The following RBFOX1 variants were observed in gnomAD, a reference collection of about 807,000 sequenced individuals.
The protein encoded by RBFOX1 is RNA binding fox-1 homolog 1, also known as RNA binding protein fox-1 homolog 1.
RBFOX1 carries 8 observed loss-of-function variants against 57.7 expected under a neutral mutation model. That is an observed-to-expected ratio of 0.14 (90% CI 0.08 to 0.25). RBFOX1 has a LOEUF of 0.25. Ranked by LOEUF, RBFOX1 falls within the 10% of genes least tolerant of loss-of-function variation. The pLI, the probability that RBFOX1 is intolerant of heterozygous loss-of-function variation, is 1.00. For missense variants in RBFOX1, 611 were observed against 548.5 expected, an observed-to-expected ratio of 1.11 and a Z score of -1.14; for synonymous variants, 326 against 222.4, an observed-to-expected ratio of 1.47 and a Z score of -4.15.
At chr16:7,605,951 G>A (rs2095268106) in intron 9 of RBFOX1, among the ~76,000 whole-genome samples, 1 of 151,754 alleles carries the variant, frequency 6.6e-6, no homozygotes, top group Non-Finnish European at 1.5e-5. Flanking sequence ...CGATTCTCAT[G>A]CCTCAGCCTG....
At chr16:7,171,201 G>C (rs1334028002) in intron 4 of RBFOX1, among the ~76,000 whole-genome samples, 1 of 152,168 alleles carries the variant, frequency 6.6e-6, no homozygotes, top group Non-Finnish European at 1.5e-5. Flanking sequence ...CAGGCACCCA[G>C]TACTAACTCC....
intron 5 of RBFOX1, chr16:7,519,773 G>C (rs2346945): frequency 1.1e-6 from 1 of 950,698 alleles, no homozygotes; most frequent in East Asian, 1.2e-4. Context: ...ATTTGTGAAG[G>C]AGTTTATGGC....
intron 3 of RBFOX1, among the ~76,000 whole-genome samples, chr16:5,767,063 A>G: frequency 6.6e-6 from 1 of 152,186 alleles, no homozygotes; most frequent in Non-Finnish European, 1.5e-5. Context: ...TCAGTTGTAT[A>G]AGGTTAGTCC....
At chr16:6,011,739 C>T (rs1247376955) in intron 4 of RBFOX1, among the ~76,000 whole-genome samples, 1 of 152,166 alleles carries the variant, frequency 6.6e-6, no homozygotes, top group Non-Finnish European at 1.5e-5. Context: ...AGTGAGTGAG[C>T]AAAGCTGGTG....
intron 1 of RBFOX1, among the ~76,000 whole-genome samples, chr16:5,286,583 A>G (rs909047680): frequency 6.6e-6 from 1 of 152,214 alleles, no homozygotes; most frequent in Non-Finnish European, 1.5e-5. Flanking sequence ...CATGAGAAGA[A>G]GGGGGAATTC....
chr16:7,270,847 C>G (rs948251964), intron 4 of RBFOX1, among the ~76,000 whole-genome samples: 1 of 152,140 alleles, frequency 6.6e-6, no homozygotes, highest in Non-Finnish European at 1.5e-5. Flanking sequence ...CTCTCTAAAA[C>G]TTTTCTTTTT....
At chr16:7,442,823 G>A (rs1481031992) in intron 4 of RBFOX1, among the ~76,000 whole-genome samples, 2 of 152,138 alleles carry the variant, frequency 1.3e-5, no homozygotes, top group East Asian at 3.9e-4. Context: ...AGGGTGGCTG[G>A]GTGATTTGTT....
intron 3 of RBFOX1, among the ~76,000 whole-genome samples, chr16:6,959,079 A>C (rs966381503): frequency 1.3e-5 from 2 of 152,232 alleles, no homozygotes; most frequent in Non-Finnish European, 2.9e-5. Flanking sequence ...TCTTAAGTGC[A>C]TAAAGATAGG....
chr16:7,625,570 C>T (rs1178486587), intron 10 of RBFOX1, among the ~76,000 whole-genome samples: 2 of 152,142 alleles, frequency 1.3e-5, no homozygotes, highest in Non-Finnish European at 2.9e-5. Context: ...TCAAGAGCAT[C>T]CTCCAGATTT....
intron 5 of RBFOX1, among the ~76,000 whole-genome samples, chr16:7,575,996 T>C (rs970104897): frequency 6.6e-6 from 1 of 152,116 alleles, no homozygotes; most frequent in Non-Finnish European, 1.5e-5. Flanking sequence ...TGCAGTGGCA[T>C]GATCTTCCCT....
At chr16:6,737,957 T>C (rs1358506749) in intron 3 of RBFOX1, among the ~76,000 whole-genome samples, 1 of 151,960 alleles carries the variant, frequency 6.6e-6, no homozygotes, top group Non-Finnish European at 1.5e-5. Context: ...CCCAGCACAA[T>C]GCTTGAGCCA....
At chr16:6,609,995 G>A (rs1294778096) in intron 2 of RBFOX1, among the ~76,000 whole-genome samples, 1 of 142,048 alleles carries the variant, frequency 7.0e-6, no homozygotes, top group East Asian at 2.1e-4. Flanking sequence ...GCAGTAGTGT[G>A]AGGCTCTGAC....
Position 5,776,057 on chromosome 16 carries a change from T to G in RBFOX1, c.319-91246T>G, listed in dbSNP as rs74006280. On this transcript the variant is annotated intron_variant, in intron 3 of 19. Transcript: ENST00000641259. ...AATGAATCTTAATAAAAAATGGAAATGGCTTTCCCCTTTCATTTTAATTAA... is the reference window on the plus strand; with the variant it reads ...AATGAATCTTAATAAAAAATGGAAAGGGCTTTCCCCTTTCATTTTAATTAA... Among the ~76,000 whole-genome samples the G allele has an allele frequency of 4.5e-3, 692 of 152,276 alleles. 5 individuals carry two copies. The highest frequency in any genetic ancestry group is 0.015 in the African/African-American group (635 of 41,548).
At chr16:5,492,171 A>G (rs1050202700) in intron 2 of RBFOX1, among the ~76,000 whole-genome samples, 16 of 152,206 alleles carry the variant, frequency 1.1e-4, no homozygotes, top group Non-Finnish European at 2.2e-4. Context: ...GTGCATGCTC[A>G]AAGTATAAGA....
intron 3 of RBFOX1, among the ~76,000 whole-genome samples, chr16:5,708,831 C>T (rs185538846): frequency 6.6e-6 from 1 of 152,058 alleles, no homozygotes; most frequent in African/African-American, 2.4e-5. Flanking sequence ...TGCCATGGGC[C>T]ACAATTTCTA....
At chr16:7,331,050 A>G (rs765191872) in intron 4 of RBFOX1, among the ~76,000 whole-genome samples, 1 of 152,212 alleles carries the variant, frequency 6.6e-6, no homozygotes, top group Non-Finnish European at 1.5e-5. Context: ...AATCAATTAC[A>G]GAGAAACCTT....
At chr16:5,517,599 G>T (rs2043839533) in intron 2 of RBFOX1, among the ~76,000 whole-genome samples, 1 of 152,152 alleles carries the variant, frequency 6.6e-6, no homozygotes, top group Non-Finnish European at 1.5e-5. Context: ...GTTTGGACAG[G>T]GTGAGTTTCC....
intron 4 of RBFOX1, among the ~76,000 whole-genome samples, chr16:7,116,763 G>A (rs13339192): frequency 0.02 from 3,026 of 152,200 alleles, 104 homozygotes; most frequent in African/African-American, 0.069. Flanking sequence ...TGGATGACAG[G>A]TATTGACCAC....
chr16:7,359,968 A>T (rs1302139684), intron 4 of RBFOX1, among the ~76,000 whole-genome samples: 1 of 147,794 alleles, frequency 6.8e-6, no homozygotes, highest in Non-Finnish European at 1.5e-5. Context: ...TGGGTGACAG[A>T]GCGAGACTCT....
Sources: allele counts gnomAD v4.1 joint callset (sites outside exome capture counted in the v4.1 genomes callset), GRCh38; gene constraint gnomAD v4.1.1; transcripts MANE v1.5; gene names NCBI Gene and HGNC (gene_info 2026-07-23, HGNC 2026-07-21).